Variants in CEP112 observed in about 807,000 individuals in gnomAD.
The protein encoded by CEP112 is centrosomal protein 112.
CEP112 carries 127 observed loss-of-function variants against 153.0 expected under a neutral mutation model. That is an observed-to-expected ratio of 0.83 (90% CI 0.72 to 0.96). The LOEUF (loss-of-function observed/expected upper bound fraction) is 0.96. Ranked by LOEUF, CEP112 falls within the 40% of genes least tolerant of loss-of-function variation. The probability of loss-of-function intolerance (pLI) is 0.00; values close to 1 mark genes in which losing one functional copy is unlikely to be tolerated. For missense variants in CEP112, 1,089 were observed against 1,101.2 expected (o/e 0.99, Z 0.16); for synonymous variants, 358 against 374.4 (o/e 0.96, Z 0.51).
Position 66,098,583 on chromosome 17 carries a change from TA to T in CEP112, c.643-1952del, listed in dbSNP as rs564160773. On this transcript the variant is annotated intron_variant, in intron 6 of 26. Coordinates refer to ENST00000535342, the MANE Select transcript of CEP112 (RefSeq NM_001199165.4). Reference sequence around the variant, plus strand: ...TAATAGAATCCAATCAAGTAAAACTTAAAAGGAATATAGCAATAGACAGGAT... The same window carrying T: ...TAATAGAATCCAATCAAGTAAAACTTAAAGGAATATAGCAATAGACAGGAT... Among the ~76,000 whole-genome samples the T allele has an allele frequency of 1.4e-3, 216 of 152,244 alleles. 1 individual carries two copies. Among genetic ancestry groups the T allele is most frequent in the African/African-American group, 4.8e-3 (200 of 41,554 alleles).
chr17:65,814,881 T>G (rs2056181337), intron 21 of CEP112, among the ~76,000 whole-genome samples: 1 of 152,168 alleles, frequency 6.6e-6, no homozygotes, highest in Admixed American at 6.5e-5. Context: ...TTCTGATTTT[T>G]AAAAGTATGT....
chr17:65,851,215 A>C (rs2146302125), intron 21 of CEP112, among the ~76,000 whole-genome samples: 1 of 152,316 alleles, frequency 6.6e-6, no homozygotes, highest in Non-Finnish European at 1.5e-5. Flanking sequence ...AAATAGTTAT[A>C]CTTTTTCTGA....
intron 18 of CEP112, among the ~76,000 whole-genome samples, chr17:65,954,142 T>C (rs939953837): frequency 1.3e-5 from 2 of 152,158 alleles, no homozygotes; most frequent in African/African-American, 4.8e-5. Context: ...CTGGTATCCA[T>C]GGCTACAAGA....
At chr17:65,911,291 A>T (rs2060273532) in intron 19 of CEP112, among the ~76,000 whole-genome samples, 1 of 152,216 alleles carries the variant, frequency 6.6e-6, no homozygotes, top group African/African-American at 2.4e-5. Flanking sequence ...TTATGGAACA[A>T]AATATAAATG....
At chr17:65,705,246 CT>C (rs1445147967) in intron 23 of CEP112, among the ~76,000 whole-genome samples, 4 of 152,210 alleles carry the variant, frequency 2.6e-5, no homozygotes, top group African/African-American at 9.6e-5. Context: ...GAATCTGCCA[CT>C]TCAAGTGAGG....
At chr17:65,646,980 C>G (rs543672862) in intron 24 of CEP112, among the ~76,000 whole-genome samples, 1 of 152,116 alleles carries the variant, frequency 6.6e-6, no homozygotes, top group Non-Finnish European at 1.5e-5. Flanking sequence ...GATTTATATA[C>G]GACCAACTGA....
At chr17:65,668,660 C>G (rs2046818843) in intron 24 of CEP112, among the ~76,000 whole-genome samples, 1 of 152,236 alleles carries the variant, frequency 6.6e-6, no homozygotes, top group African/African-American at 2.4e-5. Context: ...AGTTGAGGTA[C>G]TTTCCCTTCT....
At chr17:65,649,073 A>AAC (rs71158400) in intron 24 of CEP112, among the ~76,000 whole-genome samples, 11,249 of 139,180 alleles carry the variant, frequency 0.081, 563 homozygotes, top group Non-Finnish European at 0.12. Context: ...CAAACAAACA[A>AAC]ACACACACAC....
intron 4 of CEP112, among the ~76,000 whole-genome samples, chr17:66,166,950 A>C (rs1041841983): frequency 2.6e-5 from 4 of 151,568 alleles, no homozygotes; most frequent in Non-Finnish European, 5.9e-5. Flanking sequence ...AGCTTCAAAT[A>C]TATGGCGTGA....
chr17:66,159,024 A>C (rs2071576407), intron 4 of CEP112, among the ~76,000 whole-genome samples: 2 of 152,246 alleles, frequency 1.3e-5, no homozygotes, highest in South Asian at 4.1e-4. Context: ...GGATATCACC[A>C]CTGATCACAC....
intron 21 of CEP112, among the ~76,000 whole-genome samples, chr17:65,818,977 GATGTTA>G: frequency 6.6e-6 from 1 of 152,012 alleles, no homozygotes; most frequent in East Asian, 1.9e-4. Context: ...TGTTGCTGAA[GATGTTA>G]ATTAACCATA....
intron 17 of CEP112, among the ~76,000 whole-genome samples, chr17:65,984,887 G>A (rs2063346983): frequency 6.6e-6 from 1 of 152,098 alleles, no homozygotes; most frequent in Non-Finnish European, 1.5e-5. Flanking sequence ...AAAAGACCAA[G>A]AGGGATGACG....
At chr17:65,861,907 T>G (rs1226157409) in intron 20 of CEP112, among the ~76,000 whole-genome samples, 1 of 152,256 alleles carries the variant, frequency 6.6e-6, no homozygotes, top group Non-Finnish European at 1.5e-5. Flanking sequence ...ACCAGGCACA[T>G]GCCCAATAAT....
intron 18 of CEP112, among the ~76,000 whole-genome samples, chr17:65,936,793 T>TCTCCCCCTCCCC (rs1259721394): frequency 9.1e-6 from 1 of 109,542 alleles, no homozygotes; most frequent in Non-Finnish European, 1.9e-5. Context: ...TCCGTCTACC[T>TCTCCCCCTCCCC]CTCCCCCTCC....
At chr17:66,047,391 A>G (rs1342110989) in intron 12 of CEP112, among the ~76,000 whole-genome samples, 1 of 152,270 alleles carries the variant, frequency 6.6e-6, no homozygotes, top group East Asian at 1.9e-4. Context: ...TGCTGGGATT[A>G]CAGGCGAAAG....
At chr17:66,161,978 C>A (rs1425716786) in intron 4 of CEP112, among the ~76,000 whole-genome samples, 1 of 151,268 alleles carries the variant, frequency 6.6e-6, no homozygotes, top group Non-Finnish European at 1.5e-5. Flanking sequence ...TTATAAATTA[C>A]CCAATCTCAG....
At position 66,183,196 on chromosome 17, in the gene CEP112, G is replaced by A. The variant is rs757897328; in HGVS notation, c.104C>T (p.Thr35Ile). Reference protein sequence around the residue: ...KPFVLKLPHRTERQRCALWIR... With the variant: ...KPFVLKLPHRIERQRCALWIR... ...CTAATCTTCAAACATAATCTTACCT[G>A]TCCTATGAGGTAATTTTAGAACAAA... The change falls in exon 2 of 27, where the codon ACA becomes ATA. Residue 35 changes from threonine to isoleucine, a missense_variant and splice_region_variant. By Grantham distance (89) the Thr-to-Ile change is moderately conservative. Coordinates refer to ENST00000535342, the MANE Select transcript of CEP112 (RefSeq NM_001199165.4). 18 of 1,583,326 alleles carry A rather than the reference G, an allele frequency of 1.1e-5. No individual in the cohort carries two copies. Among genetic ancestry groups the A allele is most frequent in the Non-Finnish European group, 1.5e-5 (17 of 1,159,018 alleles).
intron 20 of CEP112, among the ~76,000 whole-genome samples, chr17:65,892,984 TAAG>T (rs1294923683): frequency 6.6e-6 from 1 of 152,154 alleles, no homozygotes; most frequent in African/African-American, 2.4e-5. Context: ...AATACTGACT[TAAG>T]GAGCAAACTT....
chr17:66,049,353 T>C (rs1390346093), intron 12 of CEP112, among the ~76,000 whole-genome samples: 1 of 152,238 alleles, frequency 6.6e-6, no homozygotes, highest in African/African-American at 2.4e-5. Context: ...TTATCACCTA[T>C]ATTATCATTC....
Sources: gnomAD v4.1 joint callset for allele counts (sites outside exome capture counted in the v4.1 genomes callset) on GRCh38, gnomAD v4.1.1 for gene constraint, MANE v1.5 for transcripts, NCBI Gene and HGNC (gene_info 2026-07-23, HGNC 2026-07-21) for gene names.